The following ZBTB8A variants were observed in gnomAD, a reference collection of about 807,000 sequenced individuals.
ZBTB8A encodes zinc finger and BTB domain-containing protein 8A.
In ZBTB8A, 19 loss-of-function variants were observed where a neutral mutation model predicts 37.8. The ratio of observed to expected loss-of-function variants is 0.50; its 90% CI spans 0.35 to 0.74. The LOEUF (loss-of-function observed/expected upper bound fraction) is 0.74, where lower values mean the gene tolerates loss of function less well. ZBTB8A is among the 30% of genes least tolerant of loss of function. The probability of loss-of-function intolerance (pLI) is 0.01; values close to 1 mark genes in which losing one functional copy is unlikely to be tolerated. For missense variants in ZBTB8A, 394 were observed against 537.8 expected (o/e 0.73, Z 2.65); for synonymous variants, 181 against 185.2 (o/e 0.98, Z 0.19).
At chr1:32,593,844 TC>T in intron 3 of ZBTB8A, 90 bp downstream of exon 3, 3 of 1,004,480 alleles carry the variant, frequency 3.0e-6, no homozygotes, top group Non-Finnish European at 4.4e-6. Flanking sequence ...TTTCAGGTGC[TC>T]TAAGCAGTTG....
chr1:32,595,348 A>G lies in ZBTB8A; in HGVS notation c.993+125A>G. ...AATGGTGTAATCTCAGCTCGCTGCA[A>G]CCTCTGCCTCCCGGGTTCAAGCAAT... On this transcript the variant is annotated intron_variant, in intron 4 of 4. Transcript: ENST00000373510. The G allele has an allele frequency of 3.3e-6, 3 of 906,076 alleles. No homozygotes were observed. The South Asian group carries it at 5.0e-5, about 15-fold the overall frequency. 56.1% of individuals were successfully genotyped at this position (906,076 alleles called of 1,614,324 possible).
At chr1:32,545,420 C>A (rs1360666432) in intron 1 of ZBTB8A, among the ~76,000 whole-genome samples, 1 of 152,120 alleles carries the variant, frequency 6.6e-6, no homozygotes, top group Admixed American at 6.6e-5. Flanking sequence ...ATTTAATCCT[C>A]TTAACAGACT....
chr1:32,601,562 C>T lies in ZBTB8A; in HGVS notation c.*1143C>T, dbSNP rs1157925635. Reference sequence around the variant, plus strand: ...GTAGTGCTATATTATTTATAAAGTACTCTCTCATGTATTTTCTCAGTGAGG... The same window carrying T: ...GTAGTGCTATATTATTTATAAAGTATTCTCTCATGTATTTTCTCAGTGAGG... On this transcript the variant is annotated 3_prime_UTR_variant, in exon 5 of 5. Transcript: ENST00000373510. The T allele has an allele frequency of 2.5e-6, 1 of 398,274 alleles. No homozygotes were observed. The highest frequency in any genetic ancestry group is 4.4e-6 in the Non-Finnish European group (1 of 226,008). 24.7% of individuals were successfully genotyped at this position (398,274 alleles called of 1,614,324 possible).
intron 4 of ZBTB8A, among the ~76,000 whole-genome samples, chr1:32,598,066 T>C (rs1235361021): frequency 1.3e-5 from 2 of 151,826 alleles, no homozygotes; most frequent in South Asian, 2.1e-4. Flanking sequence ...ATACGCATAA[T>C]ATTACTATCT....
At position 32,544,850 on chromosome 1, in the gene ZBTB8A, G is replaced by A. The variant is rs188214709; in HGVS notation, c.-84+5278G>A. Reference sequence around the variant, plus strand: ...TCAGTACTTCATTCTTTTTATGGCCGAGTTACATTCCATTGTATGGGTATA... The same window carrying A: ...TCAGTACTTCATTCTTTTTATGGCCAAGTTACATTCCATTGTATGGGTATA... On this transcript the variant is annotated intron_variant, in intron 1 of 4. Coordinates refer to ENST00000373510, the MANE Select transcript of ZBTB8A (RefSeq NM_001040441.3). Among the ~76,000 whole-genome samples the A allele has an allele frequency of 5.1e-3, 782 of 152,230 alleles. 7 individuals carry two copies. Among genetic ancestry groups the A allele is most frequent in the African/African-American group, 0.017 (701 of 41,518 alleles).
intron 2 of ZBTB8A, among the ~76,000 whole-genome samples, chr1:32,580,888 G>A (rs1384662673): frequency 6.6e-6 from 1 of 151,262 alleles, no homozygotes; most frequent in Middle Eastern, 3.2e-3. Context: ...AGACAACAAG[G>A]GGGCCAAACT....
chr1:32,562,318 C>T (rs1557705861), intron 2 of ZBTB8A, among the ~76,000 whole-genome samples: 1 of 151,890 alleles, frequency 6.6e-6, no homozygotes, highest in African/African-American at 2.4e-5. Flanking sequence ...CTTGCCCAGG[C>T]TGGGGTGCCA....
chr1:32,558,438 A>AACACACACACACACACAC (rs35047367), intron 2 of ZBTB8A, among the ~76,000 whole-genome samples: 4 of 145,768 alleles, frequency 2.7e-5, no homozygotes, highest in Admixed American at 1.4e-4. Flanking sequence ...CTAAGTATTA[A>AACACACACACACACACAC]ACACACACAC....
At position 32,562,569 on chromosome 1, in the gene ZBTB8A, CTTTTT is replaced by C. The variant is rs751648634; in HGVS notation, c.-2+9047_-2+9051del. Among the ~76,000 whole-genome samples the C allele has an allele frequency of 1.7e-3, 194 of 111,828 alleles. 1 individual carries two copies. Among genetic ancestry groups the C allele is most frequent in the Admixed American group, 3.6e-3 (37 of 10,330 alleles). The allele number at this position is 111,828 out of a possible 152,430, so 73.4% of individuals were successfully genotyped here. Reference sequence around the variant, plus strand: ...TATAGGCCTGAGCCACCGCGTCCGGCTTTTTTTTTTTTTTTTTTTTTTGATGAGAC... The same window carrying C: ...TATAGGCCTGAGCCACCGCGTCCGGCTTTTTTTTTTTTTTTTTGATGAGAC... On this transcript the variant is annotated intron_variant, in intron 2 of 4. Transcript: ENST00000373510.
rs373556250 is a variant in ZBTB8A, at chr1:32,541,937, G to A, written c.-84+2365G>A. ...AATGTTTTTAATACAGACGATCACT[G>A]ACTTACAATGGCTTGACTTACGATT... On this transcript the variant is annotated intron_variant, in intron 1 of 4. Coordinates refer to ENST00000373510, the MANE Select transcript of ZBTB8A (RefSeq NM_001040441.3). Among the ~76,000 whole-genome samples the A allele has an allele frequency of 3.2e-4, 49 of 152,292 alleles. 1 individual carries two copies. The highest frequency in any genetic ancestry group is 3.4e-3 in the Middle Eastern group (1 of 294).
At chr1:32,554,121 A>G (rs901157018) in intron 2 of ZBTB8A, among the ~76,000 whole-genome samples, 4 of 149,684 alleles carry the variant, frequency 2.7e-5, no homozygotes, top group African/African-American at 4.9e-5. Flanking sequence ...AATCACTTCA[A>G]TCCGGGCAGC....
chr1:32,560,596 T>TTTTTC (rs1162747377), intron 2 of ZBTB8A, among the ~76,000 whole-genome samples: 1 of 151,128 alleles, frequency 6.6e-6, no homozygotes, highest in South Asian at 2.1e-4. Flanking sequence ...CGTTCTTTCT[T>TTTTTC]TTTTCTTTTC....
At chr1:32,598,310 G>A (rs1355075183) in intron 4 of ZBTB8A, among the ~76,000 whole-genome samples, 1 of 132,160 alleles carries the variant, frequency 7.6e-6, no homozygotes, top group African/African-American at 2.9e-5. Flanking sequence ...TCAGCTCACT[G>A]CAACCTCCGC....
At chr1:32,550,108 A>T (rs1644139700) in intron 1 of ZBTB8A, among the ~76,000 whole-genome samples, 1 of 152,142 alleles carries the variant, frequency 6.6e-6, no homozygotes, top group South Asian at 2.1e-4. Flanking sequence ...CTGTAATCTT[A>T]GCACTTTGGG....
rs1377527851 is a variant in ZBTB8A at position 32,604,563 on chromosome 1, G to A, written c.*4144G>A. The A allele has an allele frequency of 6.6e-6, 1 of 151,820 alleles. No homozygotes were observed. The highest frequency in any genetic ancestry group is 1.5e-5 in the Non-Finnish European group (1 of 67,962). The allele number at this position is 151,820 out of a possible 1,614,324, so 9.4% of individuals were successfully genotyped here. On this transcript the variant is annotated 3_prime_UTR_variant, in exon 5 of 5. Coordinates refer to ENST00000373510, the MANE Select transcript of ZBTB8A (RefSeq NM_001040441.3). The stretch of plus-strand genomic sequence containing the variant: ...CTTAGCACATGATGTTCCTTCTATG[G>A]GTATCAGATCTTAAGACTTTTTAAA...
At chr1:32,549,636 G>A (rs188201126) in intron 1 of ZBTB8A, among the ~76,000 whole-genome samples, 3 of 152,282 alleles carry the variant, frequency 2.0e-5, no homozygotes, top group Non-Finnish European at 4.4e-5. Context: ...GGCCAAAGTG[G>A]GAGGATCCCC....
At position 32,601,679 on chromosome 1, in the gene ZBTB8A, A is replaced by ATCC. The variant is rs1644577254; in HGVS notation, c.*1263_*1265dup. ...ATTGGACAGGATCTGATTTTAAACA[A>ATCC]TCCTCTTTCAGCCTTCTCTCCCTGT... On this transcript the variant is annotated 3_prime_UTR_variant, in exon 5 of 5. Transcript: ENST00000373510. 2 of 398,580 alleles carry ATCC rather than the reference A, an allele frequency of 5.0e-6. No individual in the cohort carries two copies. Among genetic ancestry groups the ATCC allele is most frequent in the Non-Finnish European group, 8.8e-6 (2 of 226,056 alleles). The allele number at this position is 398,580 out of a possible 1,614,324, so 24.7% of individuals were successfully genotyped here.
At chr1:32,542,255 A>T (rs946282766) in intron 1 of ZBTB8A, among the ~76,000 whole-genome samples, 1 of 151,892 alleles carries the variant, frequency 6.6e-6, no homozygotes, top group Non-Finnish European at 1.5e-5. Flanking sequence ...TATATATCTT[A>T]AAAGAGTTGA....
intron 1 of ZBTB8A, among the ~76,000 whole-genome samples, chr1:32,545,775 CCT>C (rs1287206925): frequency 6.6e-6 from 1 of 152,134 alleles, no homozygotes; most frequent in African/African-American, 2.4e-5. Context: ...CGCCTTTTGC[CCT>C]CTTTCTCATG....
Sources: gnomAD v4.1 joint callset for allele counts (sites outside exome capture counted in the v4.1 genomes callset) on GRCh38, gnomAD v4.1.1 for gene constraint, MANE v1.5 for transcripts, NCBI Gene and HGNC (gene_info 2026-07-23, HGNC 2026-07-21) for gene names.